The following AKAP1 variants were observed in gnomAD, a reference collection of about 807,000 sequenced individuals.
The protein encoded by AKAP1 is A-kinase anchor protein 1, mitochondrial.
A neutral mutation model predicts 79.8 loss-of-function variants in AKAP1; 32 were observed. That is an observed-to-expected ratio of 0.40 (90% CI 0.30 to 0.54). AKAP1 has a LOEUF of 0.54. Among genes scored for constraint, AKAP1 ranks in the 20% least tolerant of loss-of-function variants. The pLI, the probability that AKAP1 is intolerant of heterozygous loss-of-function variation, is 0.47. For synonymous variants in AKAP1, 416 were observed against 466.7 expected (o/e 0.89, Z 1.40); for missense variants, 961 against 1,138.9 (o/e 0.84, Z 2.25).
At chr17:57,104,308 A>G (rs987937306) in intron 1 of AKAP1, among the ~76,000 whole-genome samples, 1 of 152,056 alleles carries the variant, frequency 6.6e-6, no homozygotes, top group Non-Finnish European at 1.5e-5. Flanking sequence ...GCCTTCTAGA[A>G]ACAATTTGAT....
Position 57,120,335 on chromosome 17 carries a change from G to A in AKAP1, c.*11G>A. 1 of 1,609,166 alleles carries A rather than the reference G, an allele frequency of 6.2e-7. No homozygotes were observed. The highest frequency in any genetic ancestry group is 1.7e-5 in the Admixed American group (1 of 58,252). On this transcript the variant is annotated 3_prime_UTR_variant, in exon 11 of 11. Coordinates refer to ENST00000337714, the MANE Select transcript of AKAP1 (RefSeq NM_003488.4). Reference sequence around the variant, plus strand: ...TACACAAGCCTTTGACCCCCATGCTGCTTCCTGAGAGTCTTTTTTTGCACT... The same window carrying A: ...TACACAAGCCTTTGACCCCCATGCTACTTCCTGAGAGTCTTTTTTTGCACT...
At chr17:57,107,329 G>A in intron 2 of AKAP1, 151 bp downstream of exon 2, 5 of 1,105,344 alleles carry the variant, frequency 4.5e-6, no homozygotes, top group Non-Finnish European at 6.3e-6. Flanking sequence ...TCTGGACACG[G>A]CGTAGAGCTG....
chr17:57,116,662 T>A (rs1307323987), intron 7 of AKAP1, among the ~76,000 whole-genome samples, 198 bp from the exon 8 acceptor site: 1 of 152,152 alleles, frequency 6.6e-6, no homozygotes, highest in Non-Finnish European at 1.5e-5. Context: ...TCATAGGAAG[T>A]CCCTCTGAGG....
chr17:57,116,373 C>T, intron 7 of AKAP1, 112 bp downstream of exon 7: 1 of 1,340,484 alleles, frequency 7.5e-7, no homozygotes, highest in South Asian at 1.3e-5. Context: ...TTCTTCCCTC[C>T]TGCTGCCTAC....
At chr17:57,119,830 C>CTTTTTTTGTTTTTTTTTTTTTTTTT (rs1915810595) in intron 10 of AKAP1, among the ~76,000 whole-genome samples, 1 of 70,290 alleles carries the variant, frequency 1.4e-5, no homozygotes, top group Non-Finnish European at 2.5e-5. Context: ...CCCTGTTACT[C>CTTTTTTTGTTTTTTTTTTTTTTTTT]TTTTTTTTTT....
At chr17:57,100,211 G>A (rs114801790) in intron 1 of AKAP1, among the ~76,000 whole-genome samples, 1 of 152,088 alleles carries the variant, frequency 6.6e-6, no homozygotes, top group African/African-American at 2.4e-5. Context: ...TTTTTCCTGC[G>A]ATCAGATAAT....
chr17:57,095,330 TAAAAA>T (rs997965171), intron 1 of AKAP1: 2 of 151,600 alleles, frequency 1.3e-5, no homozygotes, highest in African/African-American at 4.8e-5. Flanking sequence ...CCTGGGTAAT[TAAAAA>T]AAAATTTTTT....
chr17:57,101,170 T>A (rs1914483487), intron 1 of AKAP1, among the ~76,000 whole-genome samples: 1 of 152,224 alleles, frequency 6.6e-6, no homozygotes, highest in Non-Finnish European at 1.5e-5. Flanking sequence ...TCATTACCAC[T>A]TTTTTGGGTG....
At chr17:57,119,174 A>T (rs936696620) in intron 10 of AKAP1, 130 bp downstream of exon 10, 7 of 994,804 alleles carry the variant, frequency 7.0e-6, no homozygotes, top group Non-Finnish European at 1.1e-5. Context: ...CCTCCTAGGG[A>T]ACACTTTGGA....
At chr17:57,104,281 A>G (rs1227240507) in intron 1 of AKAP1, among the ~76,000 whole-genome samples, 1 of 152,080 alleles carries the variant, frequency 6.6e-6, no homozygotes, top group Admixed American at 6.6e-5. Context: ...TTCACTTTTC[A>G]TCCTGTTCCC....
chr17:57,105,546 C>T lies in AKAP1; in HGVS notation c.82C>T (p.Arg28Cys), dbSNP rs759294778. ...ALLGWWWFFS[R>C]KKGHVSSHDE... Reference sequence around the variant, plus strand: ...CCTCGGCTGGTGGTGGTTTTTCTCTCGTAAAAAAGGCCATGTCAGCAGCCA... The same window carrying T: ...CCTCGGCTGGTGGTGGTTTTTCTCTTGTAAAAAAGGCCATGTCAGCAGCCA... Residue 28 changes from arginine (R) to cysteine (C), a missense_variant, in exon 2 of 11, where the codon CGT (arginine) becomes TGT (cysteine). Around this residue, in one of 3 missense-constraint regions of AKAP1, gnomAD observed 108 missense variants for 147.6 expected, o/e 0.73. Coordinates refer to ENST00000337714, the MANE Select transcript of AKAP1 (RefSeq NM_003488.4). The T allele has an allele frequency of 1.2e-5, 20 of 1,613,918 alleles. No individual in the cohort carries two copies. The highest frequency in any genetic ancestry group is 5.3e-5 in the African/African-American group (4 of 74,866).
intron 5 of AKAP1, among the ~76,000 whole-genome samples, chr17:57,113,646 A>G (rs933273903): frequency 1.7e-5 from 2 of 117,118 alleles, no homozygotes; most frequent in Admixed American, 1.3e-4. Context: ...TCTGTTGCCC[A>G]GTCTGGAGTG....
chr17:57,114,565 G>A lies in AKAP1; in HGVS notation c.2210G>A (p.Arg737His), dbSNP rs1468603838. 14 of 1,614,148 alleles carry A rather than the reference G, an allele frequency of 8.7e-6. No individual in the cohort carries two copies. Among genetic ancestry groups the A allele is most frequent in the Non-Finnish European group, 1.2e-5 (14 of 1,180,038 alleles). The change falls in exon 6 of 11, where the codon CGC (arginine) becomes CAC (histidine). Residue 737 changes from arginine to histidine, a missense_variant. By Grantham distance (29) the Arg-to-His change is conservative. This residue lies in a region of AKAP1 where 629 missense variants were observed against 781.1 expected (regional missense o/e 0.81). Coordinates refer to ENST00000337714, the MANE Select transcript of AKAP1 (RefSeq NM_003488.4). The part of the protein sequence containing the change: ...QHTHPTFHAL[R>H]SLDQQMYLCY... ...ACACACCCTACCTTCCACGCGCTGCGCAGCCTCGACCAGCAGATGTACCTC... is the reference window on the plus strand; with the variant it reads ...ACACACCCTACCTTCCACGCGCTGCACAGCCTCGACCAGCAGATGTACCTC...
chr17:57,101,821 C>A (rs1345680961), intron 1 of AKAP1: 1 of 152,192 alleles, frequency 6.6e-6, no homozygotes, highest in Non-Finnish European at 1.5e-5. Context: ...GAAACTTCCC[C>A]TCTCCTACAA....
At chr17:57,105,419 C>T (rs1242248127) in intron 1 of AKAP1, 22 bp from the exon 2 acceptor site, 3 of 1,608,660 alleles carry the variant, frequency 1.9e-6, no homozygotes, top group Admixed American at 1.7e-5. Context: ...ATCCCTCCTC[C>T]CCGCTCTCCT....
intron 2 of AKAP1, among the ~76,000 whole-genome samples, chr17:57,108,958 C>G (rs1190147410): frequency 6.6e-6 from 1 of 152,228 alleles, no homozygotes; most frequent in Non-Finnish European, 1.5e-5. Flanking sequence ...GCAGTCTTCC[C>G]CCAGAAGGGG....
chr17:57,108,293 A>G (rs1269909692), intron 2 of AKAP1, among the ~76,000 whole-genome samples: 2 of 152,168 alleles, frequency 1.3e-5, no homozygotes, highest in South Asian at 2.1e-4. Flanking sequence ...TACTGTTTTT[A>G]TGTACCTTGG....
At chr17:57,102,894 A>G (rs1914614241) in intron 1 of AKAP1, among the ~76,000 whole-genome samples, 2 of 152,178 alleles carry the variant, frequency 1.3e-5, no homozygotes, top group Non-Finnish European at 2.9e-5. Flanking sequence ...AGTCTAGCCA[A>G]CATGGCGAAA....
At chr17:57,113,409 TG>T (rs1051641037) in intron 5 of AKAP1, among the ~76,000 whole-genome samples, 31 of 152,108 alleles carry the variant, frequency 2.0e-4, no homozygotes, top group Non-Finnish European at 1.2e-4. Context: ...TTTGTTTTTT[TG>T]TTTTTTTATG....
Sources: allele counts gnomAD v4.1 joint callset (sites outside exome capture counted in the v4.1 genomes callset), GRCh38; gene constraint gnomAD v4.1.1; regional missense constraint gnomAD v4.1.1; transcripts MANE v1.5; gene names NCBI Gene and HGNC (gene_info 2026-07-23, HGNC 2026-07-21).